SLC24A5: variants seen among roughly 807,000 people sequenced by gnomAD.
SLC24A5 encodes sodium/potassium/calcium exchanger 5.
In SLC24A5, 46 loss-of-function variants were observed where a neutral mutation model predicts 51.6. The observed-to-expected ratio is 0.89, with a 90% confidence interval of 0.70 to 1.14. The LOEUF (loss-of-function observed/expected upper bound fraction) is 1.14, where lower values mean the gene tolerates loss of function less well. Among genes scored for constraint, SLC24A5 ranks in the 50% most tolerant of loss-of-function variants. SLC24A5 has a pLI of 0.00. For synonymous variants in SLC24A5, 230 were observed against 214.9 expected (o/e 1.07, Z -0.62); for missense variants, 581 against 604.1 (o/e 0.96, Z 0.40).
At chr15:48,122,096 T>C (rs749362672) in intron 2 of SLC24A5, 60 bp downstream of exon 2, 1 of 1,550,244 alleles carries the variant, frequency 6.5e-7, no homozygotes, top group Non-Finnish European at 8.9e-7. Flanking sequence ...CAGATATGAC[T>C]GTCTTTGAAA....
chr15:48,124,940 A>T (rs973788528), intron 2 of SLC24A5, among the ~76,000 whole-genome samples: 5 of 152,340 alleles, frequency 3.3e-5, no homozygotes, highest in African/African-American at 1.2e-4. Context: ...TTCATTTTTA[A>T]ATGCTTATAA....
Position 48,139,040 on chromosome 15 carries a change from A to T in SLC24A5, c.943A>T (p.Ile315Phe). The T allele has an allele frequency of 6.2e-7, 1 of 1,613,112 alleles. No homozygotes were observed. The highest frequency in any genetic ancestry group is 8.5e-7 in the Non-Finnish European group (1 of 1,179,288). ...RIFWVLSLPIITLLFLTTPDC... is the reference protein window; with the variant it reads ...RIFWVLSLPIFTLLFLTTPDC... ...TTTTTGGGTATTATCCCTTCCTATT[A>T]TTACATTACTTTTTCTAACCACACC... The change falls in exon 7 of 9, where the codon ATT (isoleucine) becomes TTT (phenylalanine). Residue 315 changes from isoleucine to phenylalanine, a missense_variant. By Grantham distance (21) the Ile-to-Phe change is conservative. Transcript: ENST00000341459.
intron 1 of SLC24A5, among the ~76,000 whole-genome samples, 158 bp from the exon 2 acceptor site, chr15:48,121,699 C>T (rs1230506618): frequency 6.6e-6 from 1 of 152,162 alleles, no homozygotes; most frequent in Non-Finnish European, 1.5e-5. Flanking sequence ...GAAAACTCTA[C>T]AACTGTGTTA....
intron 5 of SLC24A5, chr15:48,135,193 C>CT (rs952424323): frequency 9.9e-6 from 4 of 404,016 alleles, no homozygotes; most frequent in African/African-American, 8.1e-5. Flanking sequence ...TCACAGTCTC[C>CT]TTTTTTCTCT....
At position 48,134,242 on chromosome 15, in the gene SLC24A5, T is replaced by C; in HGVS notation, c.302-16T>C. On this transcript the variant is annotated splice_polypyrimidine_tract_variant and intron_variant, in intron 2 of 8. Coordinates refer to ENST00000341459, the MANE Select transcript of SLC24A5 (RefSeq NM_205850.3). ...TTCACTTTATTAGGCATAACAATCATTTCATTTATGTTCAGCCCTTGGATT... is the reference window on the plus strand; with the variant it reads ...TTCACTTTATTAGGCATAACAATCACTTCATTTATGTTCAGCCCTTGGATT... The C allele has an allele frequency of 6.2e-7, 1 of 1,610,838 alleles. No homozygotes were observed. The highest frequency in any genetic ancestry group is 8.5e-7 in the Non-Finnish European group (1 of 1,177,626).
rs1005212369 is a variant in SLC24A5 at position 48,122,383 on chromosome 15, T to A, written c.301+347T>A. 2.3e-5 allele frequency: 9 copies of A among 389,498 alleles called. No homozygotes were observed. In the Admixed American group the frequency reaches 3.8e-4, roughly 16 times the overall value. 24.1% of individuals were successfully genotyped at this position (389,498 alleles called of 1,614,324 possible). ...TCCTAATACAATGAAACTCCTAATATTTGCCATTTTATGCTTCAAAAAACT... is the reference window on the plus strand; with the variant it reads ...TCCTAATACAATGAAACTCCTAATAATTGCCATTTTATGCTTCAAAAAACT... On this transcript the variant is annotated intron_variant, in intron 2 of 8. Coordinates refer to ENST00000341459, the MANE Select transcript of SLC24A5 (RefSeq NM_205850.3).
rs1392873012 is a variant in SLC24A5 at position 48,136,845 on chromosome 15, A to G, written c.753A>G (p.Glu251=). The G allele has an allele frequency of 6.2e-7, 1 of 1,613,914 alleles. No individual in the cohort carries two copies. Among genetic ancestry groups the G allele is most frequent in the Non-Finnish European group, 8.5e-7 (1 of 1,179,848 alleles). Residue 251 remains glutamate (E), a synonymous_variant, in exon 6 of 9, where the codon GAA becomes GAG. Transcript: ENST00000341459. ...AACAACAGCCACTGATGGGCTGGGA[A>G]GATGAAGGTCAACCATTCATTCGTC... The part of the protein sequence containing the change: ...RSEQQPLMGW[E]DEGQPFIRRQ...
rs756750463 is a variant in SLC24A5, at chr15:48,136,850, A to T, written c.758A>T (p.Glu253Val). The T allele has an allele frequency of 1.9e-6, 3 of 1,613,886 alleles. No individual in the cohort carries two copies. The East Asian group carries it at 6.7e-5, about 36-fold the overall frequency. Residue 253 changes from glutamate to valine, a missense_variant, in exon 6 of 9, where the codon GAA becomes GTA. Transcript: ENST00000341459. ...CAGCCACTGATGGGCTGGGAAGATG[A>T]AGGTCAACCATTCATTCGTCGGCAA... Reference protein sequence around the residue: ...EQQPLMGWEDEGQPFIRRQSR... With the variant: ...EQQPLMGWEDVGQPFIRRQSR...
chr15:48,141,120 A>C lies in SLC24A5; in HGVS notation c.1086A>C (p.Thr362=). 1 of 1,611,956 alleles carries C rather than the reference A, an allele frequency of 6.2e-7. No homozygotes were observed. The change falls in exon 8 of 9, where the codon ACA becomes ACC. Residue 362 remains threonine, a synonymous_variant. Coordinates refer to ENST00000341459, the MANE Select transcript of SLC24A5 (RefSeq NM_205850.3). ...AATATCTGTTTATTACAGGGGAAACACTAGAAATTCCCGATACAGTAATGG... is the reference window on the plus strand; with the variant it reads ...AATATCTGTTTATTACAGGGGAAACCCTAGAAATTCCCGATACAGTAATGG... ...LVWMVTITGE[T]LEIPDTVMGL... is the part of the protein sequence containing the mutation.
chr15:48,129,195 A>G (rs1342759796), intron 2 of SLC24A5, among the ~76,000 whole-genome samples: 2 of 152,150 alleles, frequency 1.3e-5, no homozygotes, highest in Non-Finnish European at 2.9e-5. Context: ...CTCAGACAAA[A>G]TATGAGTTGG....
At chr15:48,125,307 G>A (rs1278761951) in intron 2 of SLC24A5, among the ~76,000 whole-genome samples, 1 of 149,538 alleles carries the variant, frequency 6.7e-6, no homozygotes, top group African/African-American at 2.4e-5. Flanking sequence ...ATATATATAT[G>A]GTTTCACTTA....
Position 48,136,821 on chromosome 15 carries a change from A to G in SLC24A5, c.729A>G (p.Glu243=). Residue 243 remains glutamate, a synonymous_variant, in exon 6 of 9, where the codon GAA becomes GAG. Transcript: ENST00000341459. ...TTGCCAAAGCTATGGAGAGAAGTGA[A>G]CAACAGCCACTGATGGGCTGGGAAG... ...ACLAKAMERS[E]QQPLMGWEDE... The G allele has an allele frequency of 1.2e-6, 2 of 1,613,816 alleles. No individual in the cohort carries two copies. The highest frequency in any genetic ancestry group is 1.7e-6 in the Non-Finnish European group (2 of 1,179,826).
chr15:48,124,359 A>T (rs1360203048), intron 2 of SLC24A5: 1 of 152,030 alleles, frequency 6.6e-6, no homozygotes. Flanking sequence ...ATAGATGTAG[A>T]TCTGTCTCTA....
chr15:48,137,054 TATG>T, intron 6 of SLC24A5, 91 bp downstream of exon 6: 1 of 1,386,500 alleles, frequency 7.2e-7, no homozygotes, highest in Non-Finnish European at 9.7e-7. Context: ...GTGTGCTTTT[TATG>T]TAAAAAAGAC....
intron 5 of SLC24A5, chr15:48,135,967 C>CT (rs1228317590): frequency 6.6e-6 from 1 of 152,132 alleles, no homozygotes; most frequent in Non-Finnish European, 1.5e-5. Flanking sequence ...CAGAACTGTT[C>CT]TTTAAGATAC....
intron 6 of SLC24A5, 87 bp from the exon 7 acceptor site, chr15:48,138,877 CTAATT>C: frequency 1.1e-6 from 1 of 920,844 alleles, no homozygotes; most frequent in East Asian, 2.5e-5. Flanking sequence ...ACTGATACAG[CTAATT>C]TATTTCAATA....
chr15:48,126,189 TA>T, intron 2 of SLC24A5, among the ~76,000 whole-genome samples: 1 of 152,224 alleles, frequency 6.6e-6, no homozygotes, highest in Admixed American at 6.5e-5. Flanking sequence ...CTCATGATCA[TA>T]AAAGTCACAC....
At chr15:48,125,165 A>C (rs1456378420) in intron 2 of SLC24A5, among the ~76,000 whole-genome samples, 1 of 151,986 alleles carries the variant, frequency 6.6e-6, no homozygotes, top group Admixed American at 6.6e-5. Flanking sequence ...CATAACCCTC[A>C]AAACAGTTTA....
chr15:48,134,719 G>C (rs1365514091), intron 4 of SLC24A5, 165 bp from the exon 5 acceptor site: 2 of 731,404 alleles, frequency 2.7e-6, no homozygotes, highest in African/African-American at 3.6e-5. Flanking sequence ...TCAGATTTAT[G>C]AAAGTCTGTG....
Sources: gnomAD v4.1 joint callset for allele counts (sites outside exome capture counted in the v4.1 genomes callset) on GRCh38, gnomAD v4.1.1 for gene constraint, MANE v1.5 for transcripts, NCBI Gene and HGNC (gene_info 2026-07-23, HGNC 2026-07-21) for gene names.